The following MICAL3 variants were observed in gnomAD, a reference collection of about 807,000 sequenced individuals.
MICAL3 encodes the protein [F-actin]-monooxygenase MICAL3.
Under a neutral mutation model 207.4 loss-of-function variants are expected in MICAL3, and 62 were observed. That is an observed-to-expected ratio of 0.30 (90% CI 0.24 to 0.37). The LOEUF is 0.37. Ranked by LOEUF, MICAL3 falls within the 10% of genes least tolerant of loss-of-function variation. MICAL3 has a pLI of 1.00. For synonymous variants in MICAL3, 1,077 were observed against 1,069.3 expected (o/e 1.01, Z -0.14); for missense variants, 2,368 against 2,635.6 (o/e 0.90, Z 2.22).
chr22:17,791,842 C>A (rs561461716), intron 29 of MICAL3, among the ~76,000 whole-genome samples: 1 of 152,358 alleles, frequency 6.6e-6, no homozygotes, highest in South Asian at 2.1e-4. Flanking sequence ...AAGATACCAC[C>A]CCTTAACTTG....
intron 1 of MICAL3, among the ~76,000 whole-genome samples, chr22:18,022,015 G>A (rs1038524156): frequency 6.6e-6 from 1 of 152,106 alleles, no homozygotes; most frequent in Non-Finnish European, 1.5e-5. Flanking sequence ...GCACCAGGTG[G>A]GTAGATCACA....
chr22:18,022,164 G>A (rs908250601), intron 1 of MICAL3, among the ~76,000 whole-genome samples: 6 of 152,074 alleles, frequency 3.9e-5, no homozygotes, highest in African/African-American at 1.5e-4. Flanking sequence ...GAACATTCAT[G>A]GTAACTTTAG....
At chr22:17,806,002 T>C (rs1332084255) in intron 29 of MICAL3, among the ~76,000 whole-genome samples, 1 of 152,220 alleles carries the variant, frequency 6.6e-6, no homozygotes, top group Admixed American at 6.5e-5. Flanking sequence ...AGTGTTGGGA[T>C]TACAGGCGTG....
At chr22:18,024,007 T>C (rs9604822) in intron 1 of MICAL3, among the ~76,000 whole-genome samples, 31,362 of 152,118 alleles carry the variant, frequency 0.21, 3,720 homozygotes, top group East Asian at 0.38. Flanking sequence ...CCCTGCTCTC[T>C]GGCAGGCTCT....
intron 1 of MICAL3, among the ~76,000 whole-genome samples, chr22:17,938,528 G>A (rs1933655135): frequency 1.3e-5 from 2 of 152,144 alleles, no homozygotes; most frequent in Non-Finnish European, 1.5e-5. Flanking sequence ...GTATTAGGCC[G>A]CTGGGATTCT....
In MICAL3 at chr22:17,818,427, GCTCT is replaced by G. The variant is rs1452517566; in HGVS notation, c.4230_4233del (p.Arg1410SerfsTer27). On this transcript the variant is annotated frameshift_variant, in exon 26 of 32. Transcript: ENST00000441493. LOFTEE classifies it high-confidence loss of function. ...CTGCGCTCCTCCTGGGCGCTGCGTAGCTCTCTGTCGGACGGGGACCGGGGGGTTG... is the reference window on the plus strand; with the variant it reads ...CTGCGCTCCTCCTGGGCGCTGCGTAGCTGTCGGACGGGGACCGGGGGGTTG... The G allele has an allele frequency of 1.2e-6, 2 of 1,612,548 alleles. No homozygotes were observed. The highest frequency in any genetic ancestry group is 1.7e-6 in the Non-Finnish European group (2 of 1,179,878).
chr22:18,005,439 A>G (rs1222247742), intron 1 of MICAL3: 2 of 152,144 alleles, frequency 1.3e-5, no homozygotes, highest in Non-Finnish European at 2.9e-5. Context: ...TTCCATTGCA[A>G]TTCCTGCCCC....
Position 17,899,453 on chromosome 22 carries a change from G to A in MICAL3, c.943C>T (p.Leu315=), listed in dbSNP as rs765387980. 4 of 1,596,034 alleles carry A rather than the reference G, an allele frequency of 2.5e-6. No individual in the cohort carries two copies. Among genetic ancestry groups the A allele is most frequent in the African/African-American group, 1.3e-5 (1 of 74,650 alleles). ...GAAGGAAATCCGTGGCTCACATGTA[G>A]TATCACTCCTTTGTCCAGCAAACTC... ...KQSLLDKGVI[L]HDYADTELLL... The change falls in exon 7 of 32, where the codon CTA becomes TTA. Residue 315 remains leucine (L), a synonymous_variant. Coordinates refer to ENST00000441493, the MANE Select transcript of MICAL3 (RefSeq NM_015241.3).
chr22:17,875,682 T>TTAA (rs771912643), intron 16 of MICAL3: 18,332 of 170,468 alleles, frequency 0.11, 1,291 homozygotes, highest in Admixed American at 0.23. Flanking sequence ...CCATGTATAG[T>TTAA]AAAAAAAAAA....
rs139456520 is a variant in MICAL3, at chr22:17,895,210, G to A, written c.1449+74C>T. ...GTATGTGTGGTATTAATAGGTGCAC[G>A]CATCTCAACAGATCAGAATTCTCAT... On this transcript the variant is annotated intron_variant, in intron 10 of 31. Coordinates refer to ENST00000441493, the MANE Select transcript of MICAL3 (RefSeq NM_015241.3). 26 of 1,451,284 alleles carry A rather than the reference G, an allele frequency of 1.8e-5. No individual in the cohort carries two copies. In the African/African-American group the frequency reaches 1.8e-4, roughly 10 times the overall value. 89.9% of individuals were successfully genotyped at this position (1,451,284 alleles called of 1,614,324 possible).
intron 19 of MICAL3, among the ~76,000 whole-genome samples, chr22:17,843,501 T>G (rs1022542722): frequency 6.6e-6 from 1 of 152,102 alleles, no homozygotes; most frequent in Non-Finnish European, 1.5e-5. Flanking sequence ...CTTAGAAAAT[T>G]TACAGAACTC....
rs555042097 is a variant in MICAL3 at position 17,866,990 on chromosome 22, G to C, written c.2429-978C>G. ...CCATTTCATTTTCCTCATTTGTAGA[G>C]AGTGCTTCTTAGACAAATGAGCTTT... is the stretch of plus-strand genomic sequence containing the variant. On this transcript the variant is annotated intron_variant, in intron 17 of 31. Transcript: ENST00000441493. Among the ~76,000 whole-genome samples, 3 of 152,316 alleles carry C rather than the reference G, an allele frequency of 2.0e-5. No individual in the cohort carries two copies. In the East Asian group the frequency reaches 5.8e-4, roughly 29 times the overall value.
At chr22:18,011,926 TA>T (rs916269447) in intron 1 of MICAL3, among the ~76,000 whole-genome samples, 1 of 149,516 alleles carries the variant, frequency 6.7e-6, no homozygotes, top group Non-Finnish European at 1.5e-5. Flanking sequence ...AAATAAATAA[TA>T]AAAAATTTTT....
At chr22:17,995,491 ATTTTTTTTTT>A (rs138357470) in intron 1 of MICAL3, among the ~76,000 whole-genome samples, 972 of 77,620 alleles carry the variant, frequency 0.013, 7 homozygotes, top group Middle Eastern at 0.039. Flanking sequence ...CTTTTCTTTA[ATTTTTTTTTT>A]TTTTTTTTTT....
At chr22:17,866,132 C>A in intron 17 of MICAL3, 120 bp from the exon 18 acceptor site, 1 of 746,390 alleles carries the variant, frequency 1.3e-6, no homozygotes. Flanking sequence ...TCAAGCCACC[C>A]AGCCTTCCCT....
rs116373193 is a variant in MICAL3, at chr22:17,942,047, G to A, written c.-74-35161C>T. On this transcript the variant is annotated intron_variant, in intron 1 of 31. Coordinates refer to ENST00000441493, the MANE Select transcript of MICAL3 (RefSeq NM_015241.3). ...CCTTAAGACAACAACAAGGAGAGGCGCCCAGCCACAGCACTCAAGGAAACG... is the reference window on the plus strand; with the variant it reads ...CCTTAAGACAACAACAAGGAGAGGCACCCAGCCACAGCACTCAAGGAAACG... Among the ~76,000 whole-genome samples the A allele has an allele frequency of 6.5e-3, 996 of 152,222 alleles. 10 individuals carry two copies. The highest frequency in any genetic ancestry group is 0.023 in the African/African-American group (962 of 41,534).
chr22:17,843,225 A>G (rs1924249541), intron 19 of MICAL3, among the ~76,000 whole-genome samples: 1 of 151,702 alleles, frequency 6.6e-6, no homozygotes, highest in Non-Finnish European at 1.5e-5. Flanking sequence ...AAGTACTGCT[A>G]TGGACTCGGA....
chr22:17,808,758 C>T, intron 29 of MICAL3, 86 bp downstream of exon 29: 1 of 1,097,710 alleles, frequency 9.1e-7, no homozygotes, highest in Non-Finnish European at 1.3e-6. Context: ...AGCTGAATTC[C>T]AGGTGAGGTG....
chr22:18,022,353 TTA>T (rs1438316693), intron 1 of MICAL3, among the ~76,000 whole-genome samples: 1 of 152,154 alleles, frequency 6.6e-6, no homozygotes, highest in African/African-American at 2.4e-5. Context: ...TAATAACACT[TTA>T]TAATTTCTAG....
Sources: allele counts gnomAD v4.1 joint callset (sites outside exome capture counted in the v4.1 genomes callset), GRCh38; gene constraint gnomAD v4.1.1; transcripts MANE v1.5; gene names NCBI Gene and HGNC (gene_info 2026-07-23, HGNC 2026-07-21).